LRRC75A: variants seen among roughly 807,000 people sequenced by gnomAD.
LRRC75A encodes the protein leucine-rich repeat-containing protein 75A.
In LRRC75A, 12 loss-of-function variants were observed where a neutral mutation model predicts 26.0. The observed-to-expected ratio is 0.46, with a 90% CI of 0.30 to 0.75. The LOEUF is 0.75. Ranked by LOEUF, LRRC75A falls within the 30% of genes least tolerant of loss-of-function variation. The pLI is 0.08. For missense variants in LRRC75A, 410 were observed against 486.6 expected, an observed-to-expected ratio of 0.84 and a Z score of 1.48; for synonymous variants, 223 against 219.3, an observed-to-expected ratio of 1.02 and a Z score of -0.15.
intron 1 of LRRC75A, among the ~76,000 whole-genome samples, chr17:16,480,211 A>G (rs1189615350): frequency 6.6e-6 from 1 of 152,242 alleles, no homozygotes; most frequent in Non-Finnish European, 1.5e-5. Flanking sequence ...TTATATTACA[A>G]TGCGGTAATA....
chr17:16,468,358 C>T (rs755107237), intron 1 of LRRC75A, among the ~76,000 whole-genome samples: 2 of 152,160 alleles, frequency 1.3e-5, no homozygotes, highest in African/African-American at 2.4e-5. Flanking sequence ...AGCCACGCAA[C>T]GAAATATTAT....
At chr17:16,466,872 T>C (rs1016510753) in intron 1 of LRRC75A, among the ~76,000 whole-genome samples, 23 of 152,208 alleles carry the variant, frequency 1.5e-4, no homozygotes, top group South Asian at 1.2e-3. Flanking sequence ...AAGTGTGGTC[T>C]GTAGACTTTG....
intron 2 of LRRC75A, among the ~76,000 whole-genome samples, chr17:16,459,529 G>T (rs1277856253): frequency 2.6e-5 from 4 of 152,192 alleles, no homozygotes; most frequent in Admixed American, 6.5e-5. Flanking sequence ...TGGCAAGTGG[G>T]AGAGGGGAGC....
At chr17:16,447,017 C>G (rs1215923787) in intron 3 of LRRC75A, 1 of 311,554 alleles carries the variant, frequency 3.2e-6, no homozygotes, top group Non-Finnish European at 6.5e-6. Context: ...CCTTCCTTCC[C>G]CAGCCTGCAG....
At chr17:16,470,858 A>C (rs2093803430) in intron 1 of LRRC75A, among the ~76,000 whole-genome samples, 1 of 152,178 alleles carries the variant, frequency 6.6e-6, no homozygotes, top group South Asian at 2.1e-4. Context: ...GAAATCTGAA[A>C]TCAGGGTGTT....
At position 16,449,491 on chromosome 17, in the gene LRRC75A, A is replaced by G. The variant is rs747897424; in HGVS notation, c.376-1531T>C. On this transcript the variant is annotated intron_variant, in intron 2 of 3. Coordinates refer to ENST00000470794, the MANE Select transcript of LRRC75A (RefSeq NM_001113567.3). Reference sequence around the variant, plus strand: ...GTGCTTTGAATAGAGCCCAACCCACAGCAAGCTCTCCAGGCACACTCTAAG... The same window carrying G: ...GTGCTTTGAATAGAGCCCAACCCACGGCAAGCTCTCCAGGCACACTCTAAG... Among the ~76,000 whole-genome samples, 149 of 152,356 alleles carry G rather than the reference A, an allele frequency of 9.8e-4. 1 individual carries two copies. The highest frequency in any genetic ancestry group is 9.7e-4 in the Non-Finnish European group (66 of 68,034).
chr17:16,470,780 T>C (rs2093802974), intron 1 of LRRC75A, among the ~76,000 whole-genome samples: 1 of 152,084 alleles, frequency 6.6e-6, no homozygotes, highest in African/African-American at 2.4e-5. Flanking sequence ...AGGAAGACAA[T>C]GGTCTCATAA....
intron 2 of LRRC75A, among the ~76,000 whole-genome samples, chr17:16,449,366 T>C (rs935223179): frequency 3.9e-5 from 6 of 152,326 alleles, no homozygotes; most frequent in South Asian, 4.1e-4. Context: ...CCTTGGACAA[T>C]TGCTTGACTT....
In LRRC75A at chr17:16,491,847, C is replaced by A; in HGVS notation, c.144G>T (p.Met48Ile). ...TGCCGACTCGCCGGTGGTAGGGGGG[C>A]ATCCCCGCGCCCGCGCGCCCCGCCT... ...GDKAGRAGAG[M>I]PPYHRRVGMV... The change falls in exon 1 of 4, where the codon ATG becomes ATT. Residue 48 changes from methionine (M) to isoleucine (I), a missense_variant. Coordinates refer to ENST00000470794, the MANE Select transcript of LRRC75A (RefSeq NM_001113567.3). The surrounding 1 kb of genome is among the most constrained non-coding windows in gnomAD (Gnocchi z 5.9). 4 of 1,398,510 alleles carry A rather than the reference C, an allele frequency of 2.9e-6. No individual in the cohort carries two copies. Among genetic ancestry groups the A allele is most frequent in the Non-Finnish European group, 3.7e-6 (4 of 1,072,350 alleles). 86.6% of individuals were successfully genotyped at this position (1,398,510 alleles called of 1,614,324 possible).
At chr17:16,452,691 C>T (rs1264973429) in intron 2 of LRRC75A, among the ~76,000 whole-genome samples, 1 of 152,040 alleles carries the variant, frequency 6.6e-6, no homozygotes, top group African/African-American at 2.4e-5. Flanking sequence ...GCCTCAGCCT[C>T]CTAAAGTGCT....
In LRRC75A at chr17:16,444,027, C is replaced by T. The variant is rs1251769025; in HGVS notation, c.596G>A (p.Arg199His). The change falls in exon 4 of 4, where the codon CGC becomes CAC. Residue 199 changes from arginine to histidine, a missense_variant. Arg to His is a conservative substitution (Grantham distance 29, BLOSUM62 0). Coordinates refer to ENST00000470794, the MANE Select transcript of LRRC75A (RefSeq NM_001113567.3). The stretch of plus-strand genomic sequence containing the variant: ...CACGCTGTCTACCTGCTCCCCACAG[C>T]GCTGTAGGTAGCTGGTCACCCGCTC... ...DLERVTSYLQ[R>H]CGEQVDSVEL... The T allele has an allele frequency of 5.0e-6, 8 of 1,613,740 alleles. No individual in the cohort carries two copies. Among genetic ancestry groups the T allele is most frequent in the Admixed American group, 3.3e-5 (2 of 59,958 alleles).
intron 2 of LRRC75A, among the ~76,000 whole-genome samples, chr17:16,459,289 G>A (rs555734613): frequency 6.6e-6 from 1 of 152,288 alleles, no homozygotes; most frequent in South Asian, 2.1e-4. Flanking sequence ...AGAAACGAAT[G>A]GAAAAATAAA....
At chr17:16,481,580 A>C (rs1359218602) in intron 1 of LRRC75A, among the ~76,000 whole-genome samples, 1 of 152,124 alleles carries the variant, frequency 6.6e-6, no homozygotes, top group Non-Finnish European at 1.5e-5. Context: ...GGGCCCCGGC[A>C]GGTGCACTGC....
intron 1 of LRRC75A, among the ~76,000 whole-genome samples, chr17:16,476,295 G>A (rs191207056): frequency 3.9e-5 from 6 of 152,226 alleles, no homozygotes; most frequent in Admixed American, 3.3e-4. Flanking sequence ...TTGAACCCGG[G>A]AGGTGGAGGT....
intron 1 of LRRC75A, among the ~76,000 whole-genome samples, chr17:16,466,704 C>G (rs538606625): frequency 2.0e-5 from 3 of 152,220 alleles, no homozygotes; most frequent in African/African-American, 7.2e-5. Flanking sequence ...CAGCAGCACA[C>G]GGCATTTCAA....
intron 1 of LRRC75A, among the ~76,000 whole-genome samples, chr17:16,490,444 T>C (rs1188708076): frequency 6.6e-6 from 1 of 152,222 alleles, no homozygotes; most frequent in Non-Finnish European, 1.5e-5. Context: ...AGAAGGCACA[T>C]GGGGATCCAG....
Position 16,462,224 on chromosome 17 carries a change from G to T in LRRC75A, c.375+34C>A. 1 of 1,613,002 alleles carries T rather than the reference G, an allele frequency of 6.2e-7. No homozygotes were observed. Among genetic ancestry groups the T allele is most frequent in the Non-Finnish European group, 8.5e-7 (1 of 1,179,512 alleles). On this transcript the variant is annotated intron_variant, in intron 2 of 3. Transcript: ENST00000470794. This position sits in a 1 kb window ranked among gnomAD's most constrained non-coding sequence, Gnocchi z 4.6. ...CAGAAAGGCACCCACCGCACACCCCGGGACCTGGCTGGCTCGGACCACAGC... is the reference window on the plus strand; with the variant it reads ...CAGAAAGGCACCCACCGCACACCCCTGGACCTGGCTGGCTCGGACCACAGC...
intron 1 of LRRC75A, among the ~76,000 whole-genome samples, chr17:16,464,197 T>A (rs1020006167): frequency 2.0e-5 from 3 of 152,172 alleles, no homozygotes; most frequent in Admixed American, 2.0e-4. Flanking sequence ...AACTGCCAGG[T>A]CCTGTGCCAG....
chr17:16,473,895 A>G (rs2093813402), intron 1 of LRRC75A, among the ~76,000 whole-genome samples: 1 of 152,216 alleles, frequency 6.6e-6, no homozygotes, highest in African/African-American at 2.4e-5. Flanking sequence ...AGCTTTGCTC[A>G]GTGAGGGGCT....
Sources: allele counts gnomAD v4.1 joint callset (sites outside exome capture counted in the v4.1 genomes callset), GRCh38; gene constraint gnomAD v4.1.1; non-coding constraint Gnocchi (gnomAD v3.1); transcripts MANE v1.5; gene names NCBI Gene and HGNC (gene_info 2026-07-23, HGNC 2026-07-21).